ITGBL1: variants seen among roughly 807,000 people sequenced by gnomAD.
ITGBL1 encodes the protein integrin beta-like protein 1.
ITGBL1 carries 51 observed loss-of-function variants against 68.5 expected under a neutral mutation model. That is an observed-to-expected ratio of 0.74 (90% CI 0.59 to 0.94). The LOEUF (loss-of-function observed/expected upper bound fraction) is 0.94, where lower values mean the gene tolerates loss of function less well. Among genes scored for constraint, ITGBL1 ranks in the 40% least tolerant of loss-of-function variants. The probability of loss-of-function intolerance (pLI) is 0.00; values close to 1 mark genes in which losing one functional copy is unlikely to be tolerated. For missense variants in ITGBL1, 649 were observed against 647.4 expected (o/e 1.00, Z -0.03); for synonymous variants, 209 against 227.3 (o/e 0.92, Z 0.72).
At chr13:101,650,398 C>T (rs2032706302) in intron 7 of ITGBL1, among the ~76,000 whole-genome samples, 1 of 151,920 alleles carries the variant, frequency 6.6e-6, no homozygotes, top group African/African-American at 2.4e-5. Context: ...TATATTTTCC[C>T]AGTATCTTCC....
At chr13:101,637,867 G>T (rs1225494071) in intron 7 of ITGBL1, among the ~76,000 whole-genome samples, 2 of 152,124 alleles carry the variant, frequency 1.3e-5, no homozygotes, top group Non-Finnish European at 2.9e-5. Flanking sequence ...TGACTGAGTT[G>T]ATTTTGTGCA....
intron 6 of ITGBL1, among the ~76,000 whole-genome samples, chr13:101,584,819 C>T (rs948305875): frequency 4.6e-5 from 7 of 151,704 alleles, no homozygotes; most frequent in Non-Finnish European, 1.0e-4. Context: ...GGGAAGAGGC[C>T]TGTTGGAGAT....
At chr13:101,588,296 A>T (rs1445118386) in intron 6 of ITGBL1, among the ~76,000 whole-genome samples, 1 of 22,408 alleles carries the variant, frequency 4.5e-5, no homozygotes, top group African/African-American at 1.0e-4. Context: ...GTATTCTTCC[A>T]TTGTGTGTGT....
chr13:101,467,234 A>G (rs2139634580), intron 2 of ITGBL1, among the ~76,000 whole-genome samples: 1 of 152,300 alleles, frequency 6.6e-6, no homozygotes, highest in Non-Finnish European at 1.5e-5. Flanking sequence ...CCGGTCTACT[A>G]GCTGACCTTG....
intron 2 of ITGBL1, among the ~76,000 whole-genome samples, chr13:101,510,869 A>T (rs2049104797): frequency 6.6e-6 from 1 of 151,854 alleles, no homozygotes; most frequent in South Asian, 2.1e-4. Flanking sequence ...TAATTTGTTT[A>T]AGTTTCCTAT....
intron 6 of ITGBL1, among the ~76,000 whole-genome samples, chr13:101,593,493 A>G (rs1166278380): frequency 6.6e-6 from 1 of 152,104 alleles, no homozygotes. Context: ...AGCACTATTT[A>G]CAGTAGTCAA....
intron 2 of ITGBL1, among the ~76,000 whole-genome samples, chr13:101,546,306 T>G (rs1024830301): frequency 3.9e-5 from 6 of 152,190 alleles, no homozygotes; most frequent in Non-Finnish European, 8.8e-5. Context: ...GGTGGTTACA[T>G]GGCTTTAATT....
chr13:101,679,645 A>G (rs1311852622), intron 7 of ITGBL1, among the ~76,000 whole-genome samples: 1 of 152,226 alleles, frequency 6.6e-6, no homozygotes, highest in Non-Finnish European at 1.5e-5. Context: ...TTTGTATATG[A>G]GTATGATATT....
At chr13:101,552,501 C>G (rs1242372717) in intron 2 of ITGBL1, among the ~76,000 whole-genome samples, 3 of 152,140 alleles carry the variant, frequency 2.0e-5, no homozygotes, top group Non-Finnish European at 4.4e-5. Context: ...TTTGTGATAG[C>G]TGATCTTGTT....
intron 7 of ITGBL1, among the ~76,000 whole-genome samples, chr13:101,679,606 T>C (rs2033593286): frequency 6.6e-6 from 1 of 152,236 alleles, no homozygotes. Context: ...TTTTTAAACT[T>C]GGACCTGTCA....
chr13:101,613,224 A>C (rs991130695), intron 7 of ITGBL1, among the ~76,000 whole-genome samples: 3 of 152,190 alleles, frequency 2.0e-5, no homozygotes, highest in African/African-American at 7.2e-5. Flanking sequence ...CGGGCTTACA[A>C]GGTTTTAAGT....
At chr13:101,482,831 G>T (rs531684798) in intron 2 of ITGBL1, among the ~76,000 whole-genome samples, 1 of 152,282 alleles carries the variant, frequency 6.6e-6, no homozygotes, top group East Asian at 1.9e-4. Flanking sequence ...AAGTAGTTAG[G>T]ACTGTGATTT....
At chr13:101,651,114 G>A (rs1166229226) in intron 7 of ITGBL1, among the ~76,000 whole-genome samples, 1 of 152,090 alleles carries the variant, frequency 6.6e-6, no homozygotes. Flanking sequence ...ACATATCCAT[G>A]CATTTATCTT....
chr13:101,581,285 C>T (rs1441344563), intron 5 of ITGBL1, among the ~76,000 whole-genome samples: 3 of 152,098 alleles, frequency 2.0e-5, no homozygotes, highest in African/African-American at 7.2e-5. Context: ...GCTCCTAGTC[C>T]CTGTTCCTCC....
intron 7 of ITGBL1, among the ~76,000 whole-genome samples, chr13:101,649,980 T>C (rs1339988014): frequency 6.6e-6 from 1 of 152,182 alleles, no homozygotes; most frequent in Non-Finnish European, 1.5e-5. Flanking sequence ...TGTAGGATTA[T>C]TTGTCTGCTC....
chr13:101,681,306 C>T (rs1041820569), intron 7 of ITGBL1, among the ~76,000 whole-genome samples: 5 of 151,900 alleles, frequency 3.3e-5, no homozygotes, highest in East Asian at 1.9e-4. Flanking sequence ...TATGTGTGTG[C>T]GTGTTGCATA....
intron 3 of ITGBL1, among the ~76,000 whole-genome samples, chr13:101,570,871 G>A (rs28654393): frequency 0.02 from 3,104 of 152,218 alleles, 109 homozygotes; most frequent in African/African-American, 0.071. Flanking sequence ...ATTTTTGCCT[G>A]TCAGGCAAGG....
chr13:101,667,323 A>G (rs561717572), intron 7 of ITGBL1, among the ~76,000 whole-genome samples: 37 of 152,294 alleles, frequency 2.4e-4, no homozygotes, highest in African/African-American at 8.2e-4. Flanking sequence ...CTATTTGAAT[A>G]TACTGACGTT....
At chr13:101,572,494 C>T (rs2050289743) in intron 3 of ITGBL1, among the ~76,000 whole-genome samples, 1 of 151,968 alleles carries the variant, frequency 6.6e-6, no homozygotes, top group African/African-American at 2.4e-5. Flanking sequence ...CTATTGGGCA[C>T]TATGAAAAAT....
Sources: gnomAD v4.1 joint callset for allele counts (sites outside exome capture counted in the v4.1 genomes callset) on GRCh38, gnomAD v4.1.1 for gene constraint, MANE v1.5 for transcripts, NCBI Gene and HGNC (gene_info 2026-07-23, HGNC 2026-07-21) for gene names.